The following HCN1 variants were observed in gnomAD, a reference collection of about 807,000 sequenced individuals.
The protein encoded by HCN1 is potassium/sodium hyperpolarization-activated cyclic nucleotide-gated channel 1.
Under a neutral mutation model 78.9 loss-of-function variants are expected in HCN1, and 13 were observed. The ratio of observed to expected loss-of-function variants is 0.16; its 90% CI spans 0.11 to 0.26. The LOEUF is 0.26. Among genes scored for constraint, HCN1 ranks in the 10% least tolerant of loss-of-function variants. The probability of loss-of-function intolerance (pLI) is 1.00; values close to 1 mark genes in which losing one functional copy is unlikely to be tolerated. For missense variants in HCN1, 810 were observed against 1,154.3 expected, an observed-to-expected ratio of 0.70 and a Z score of 4.32; for synonymous variants, 552 against 455.5, an observed-to-expected ratio of 1.21 and a Z score of -2.70.
At chr5:45,529,049 A>G (rs1177173306) in intron 2 of HCN1, among the ~76,000 whole-genome samples, 10 of 152,072 alleles carry the variant, frequency 6.6e-5, no homozygotes. Flanking sequence ...TAAAATAAAA[A>G]GCAGGTATTT....
chr5:45,589,142 A>ATTG (rs1318905389), intron 2 of HCN1, among the ~76,000 whole-genome samples: 2 of 152,206 alleles, frequency 1.3e-5, no homozygotes, highest in East Asian at 3.9e-4. Flanking sequence ...CTCTAGTGTA[A>ATTG]CAGCAGCAAT....
chr5:45,597,006 A>G (rs963629559), intron 2 of HCN1, among the ~76,000 whole-genome samples: 1 of 152,174 alleles, frequency 6.6e-6, no homozygotes, highest in Non-Finnish European at 1.5e-5. Context: ...AGCTGCTACC[A>G]TTCCTTCTGA....
At chr5:45,275,247 GAAAAA>G (rs779327836) in intron 6 of HCN1, among the ~76,000 whole-genome samples, 1 of 103,756 alleles carries the variant, frequency 9.6e-6, no homozygotes, top group Non-Finnish European at 2.1e-5. Flanking sequence ...CTCTGTCTCA[GAAAAA>G]AAAAAAAAAG....
chr5:45,673,545 G>A (rs952667237), intron 1 of HCN1, among the ~76,000 whole-genome samples: 6 of 151,394 alleles, frequency 4.0e-5, no homozygotes, highest in Non-Finnish European at 8.9e-5. Context: ...TTATTATTCA[G>A]TTGTTCAATT....
At chr5:45,352,478 A>G (rs1234171422) in intron 5 of HCN1, among the ~76,000 whole-genome samples, 1 of 152,058 alleles carries the variant, frequency 6.6e-6, no homozygotes, top group Non-Finnish European at 1.5e-5. Flanking sequence ...TACATATGTA[A>G]GTAACGTGCG....
chr5:45,602,142 G>A (rs1381733261), intron 2 of HCN1, among the ~76,000 whole-genome samples: 1 of 152,058 alleles, frequency 6.6e-6, no homozygotes, highest in Non-Finnish European at 1.5e-5. Context: ...AAAACTATGA[G>A]CAATTAAACC....
chr5:45,435,311 C>T lies in HCN1; in HGVS notation c.1011+26535G>A, dbSNP rs187763633. Among the ~76,000 whole-genome samples the T allele has an allele frequency of 1.5e-4, 23 of 152,068 alleles. 1 individual carries two copies. The East Asian group carries it at 4.3e-3, about 28-fold the overall frequency. ...TTCTTCTGATATATCTCTTGCAGAA[C>T]AGAATTAGTAAATAAAATGCATATT... On this transcript the variant is annotated intron_variant, in intron 3 of 7. Transcript: ENST00000303230.
intron 1 of HCN1, among the ~76,000 whole-genome samples, chr5:45,663,744 A>C (rs1745972322): frequency 2.0e-5 from 3 of 152,048 alleles, no homozygotes; most frequent in Admixed American, 6.6e-5. Context: ...AATGCAAATC[A>C]AAACCACTAT....
intron 2 of HCN1, among the ~76,000 whole-genome samples, chr5:45,628,908 A>G (rs2247112): frequency 0.38 from 57,672 of 151,524 alleles, 11,820 homozygotes; most frequent in African/African-American, 0.53. Context: ...GGAGGAGGTC[A>G]CAGTGAGCTA....
At chr5:45,488,817 T>C (rs1421930947) in intron 2 of HCN1, among the ~76,000 whole-genome samples, 1 of 152,176 alleles carries the variant, frequency 6.6e-6, no homozygotes, top group African/African-American at 2.4e-5. Flanking sequence ...TTGGTATTTA[T>C]ATTTAGTTTA....
chr5:45,327,857 G>C (rs893556242), intron 5 of HCN1, among the ~76,000 whole-genome samples: 11 of 151,460 alleles, frequency 7.3e-5, no homozygotes, highest in Non-Finnish European at 1.6e-4. Flanking sequence ...AGCCTCAGAA[G>C]AAACTAGACC....
At chr5:45,644,251 T>C (rs1167667167) in intron 2 of HCN1, 1 of 152,196 alleles carries the variant, frequency 6.6e-6, no homozygotes, top group Non-Finnish European at 1.5e-5. Context: ...ATGACTTTCA[T>C]TAGTGTCGAT....
chr5:45,315,652 T>C (rs890870135), intron 5 of HCN1, among the ~76,000 whole-genome samples: 5 of 151,246 alleles, frequency 3.3e-5, no homozygotes, highest in Admixed American at 1.3e-4. Context: ...ATCAAGAAAA[T>C]TGATAGAGCA....
chr5:45,526,662 A>G (rs1742742821), intron 2 of HCN1, among the ~76,000 whole-genome samples: 2 of 152,132 alleles, frequency 1.3e-5, no homozygotes, highest in South Asian at 2.1e-4. Flanking sequence ...CATTGCTCCT[A>G]TCTTGCAGAT....
intron 4 of HCN1, among the ~76,000 whole-genome samples, chr5:45,382,678 A>T (rs1747833404): frequency 6.6e-6 from 1 of 152,190 alleles, no homozygotes; most frequent in African/African-American, 2.4e-5. Flanking sequence ...AAATATTATT[A>T]GCACTAAATA....
At chr5:45,350,980 C>T (rs1331758909) in intron 5 of HCN1, among the ~76,000 whole-genome samples, 3 of 152,240 alleles carry the variant, frequency 2.0e-5, no homozygotes, top group Non-Finnish European at 2.9e-5. Flanking sequence ...AATGCCATCC[C>T]CATCAAGCTA....
intron 2 of HCN1, among the ~76,000 whole-genome samples, chr5:45,526,523 A>G (rs939644597): frequency 1.3e-5 from 2 of 152,062 alleles, no homozygotes; most frequent in Admixed American, 6.6e-5. Context: ...TCCTCTATTC[A>G]AAACTAGTTT....
At chr5:45,505,104 A>G (rs1264370241) in intron 2 of HCN1, among the ~76,000 whole-genome samples, 1 of 152,076 alleles carries the variant, frequency 6.6e-6, no homozygotes, top group Non-Finnish European at 1.5e-5. Flanking sequence ...CTTTAGTTTT[A>G]ATTAGATTCC....
At chr5:45,594,551 C>T (rs888277441) in intron 2 of HCN1, among the ~76,000 whole-genome samples, 1 of 152,120 alleles carries the variant, frequency 6.6e-6, no homozygotes, top group Non-Finnish European at 1.5e-5. Flanking sequence ...CCAAAGCATT[C>T]CCTGATTTTT....
Sources: allele counts gnomAD v4.1 joint callset (sites outside exome capture counted in the v4.1 genomes callset), GRCh38; gene constraint gnomAD v4.1.1; transcripts MANE v1.5; gene names NCBI Gene and HGNC (gene_info 2026-07-23, HGNC 2026-07-21).